The following CDH4 variants were observed in gnomAD, a reference collection of about 807,000 sequenced individuals.
CDH4 encodes the protein cadherin 4.
In CDH4, 33 loss-of-function variants were observed where a neutral mutation model predicts 86.0. That is an observed-to-expected ratio of 0.38 (90% confidence interval 0.29 to 0.51). CDH4 has a LOEUF of 0.51. CDH4 is among the 20% of genes least tolerant of loss of function. The probability of loss-of-function intolerance (pLI) is 0.86; values close to 1 mark genes in which losing one functional copy is unlikely to be tolerated. For missense variants in CDH4, 1,114 were observed against 1,307.4 expected, an observed-to-expected ratio of 0.85 and a Z score of 2.28; for synonymous variants, 555 against 549.4, an observed-to-expected ratio of 1.01 and a Z score of -0.14.
chr20:61,259,374 A>G (rs1223942700), intron 2 of CDH4, among the ~76,000 whole-genome samples: 1 of 151,988 alleles, frequency 6.6e-6, no homozygotes, highest in African/African-American at 2.4e-5. Flanking sequence ...TAGATAGGCA[A>G]CTCTTCCAGG....
In CDH4 at chr20:61,624,526, G is replaced by A. The variant is rs141024666; in HGVS notation, c.170-119037G>A. On this transcript the variant is annotated intron_variant, in intron 2 of 15. Transcript: ENST00000614565. ...CAGACAGGAGTGAGGATGTCTGAAGGGTTGTGTCCACCAAATGGCCTCCAA... is the reference window on the plus strand; with the variant it reads ...CAGACAGGAGTGAGGATGTCTGAAGAGTTGTGTCCACCAAATGGCCTCCAA... 9.3e-3 allele frequency among the ~76,000 whole-genome samples: 1,415 copies of A among 152,296 alleles called. 21 individuals carry two copies. Among genetic ancestry groups the A allele is most frequent in the African/African-American group, 0.033 (1,369 of 41,556 alleles).
Position 61,684,309 on chromosome 20 carries a change from G to A in CDH4, c.170-59254G>A, listed in dbSNP as rs1294235580. Among the ~76,000 whole-genome samples, 1 of 152,198 alleles carries A rather than the reference G, an allele frequency of 6.6e-6. No homozygotes were observed. Among genetic ancestry groups the A allele is most frequent in the Non-Finnish European group, 1.5e-5 (1 of 68,028 alleles). The stretch of plus-strand genomic sequence containing the variant: ...GGCAAAGGGGCGACCATGCGACTGA[G>A]CCCTGTGGGAAGAGCAGGGGGGCCG... On this transcript the variant is annotated intron_variant, in intron 2 of 15. Transcript: ENST00000614565. This position sits in a 1 kb window ranked among gnomAD's most constrained non-coding sequence, Gnocchi z 4.5.
At chr20:61,932,957 C>T in intron 13 of CDH4, 28 bp from the exon 14 acceptor site, 2 of 1,605,890 alleles carry the variant, frequency 1.2e-6, no homozygotes, top group Non-Finnish European at 1.7e-6. Context: ...CGCAGCACAC[C>T]CTGCTCACGG....
At position 61,792,957 on chromosome 20, in the gene CDH4, T is replaced by TTTTTG. The variant is rs1568818706; in HGVS notation, c.576+19779_576+19780insGTTTT. ...AGCCACCGTGCCTGGCCTATGTGTTTTTTTTGTTTTTGTTTTTGTTTTTGA... is the reference window on the plus strand; with the variant it reads ...AGCCACCGTGCCTGGCCTATGTGTTTTTTTGTTTTTGTTTTTGTTTTTGTTTTTGA... On this transcript the variant is annotated intron_variant, in intron 4 of 15. Coordinates refer to ENST00000614565, the MANE Select transcript of CDH4 (RefSeq NM_001794.5). 1.8e-3 allele frequency among the ~76,000 whole-genome samples: 269 copies of TTTTTG among 146,978 alleles called. 1 individual carries two copies. The highest frequency in any genetic ancestry group is 6.2e-3 in the African/African-American group (244 of 39,602).
At position 61,710,515 on chromosome 20, in the gene CDH4, G is replaced by A. The variant is rs149529478; in HGVS notation, c.170-33048G>A. On this transcript the variant is annotated intron_variant, in intron 2 of 15. Transcript: ENST00000614565. The stretch of plus-strand genomic sequence containing the variant: ...ACGTTCCCACTTCAGTCCACCAGCT[G>A]CATCACCATTGATAATTAAAGCAAT... Among the ~76,000 whole-genome samples, 200 of 152,318 alleles carry A rather than the reference G, an allele frequency of 1.3e-3. 1 individual carries two copies. The highest frequency in any genetic ancestry group is 2.7e-3 in the Admixed American group (41 of 15,304).
At chr20:61,862,491 T>A (rs1463493019) in intron 6 of CDH4, among the ~76,000 whole-genome samples, 1 of 152,188 alleles carries the variant, frequency 6.6e-6, no homozygotes, top group Non-Finnish European at 1.5e-5. Context: ...GGGAGGCAGA[T>A]GTCTGCCAGG....
At chr20:61,670,278 C>T (rs557920552) in intron 2 of CDH4, among the ~76,000 whole-genome samples, 2 of 152,316 alleles carry the variant, frequency 1.3e-5, no homozygotes, top group Admixed American at 1.3e-4. Flanking sequence ...ATGCTGGTCC[C>T]CAACAGCTTC....
At chr20:61,705,526 G>A (rs112117838) in intron 2 of CDH4, among the ~76,000 whole-genome samples, 4 of 152,314 alleles carry the variant, frequency 2.6e-5, no homozygotes, top group African/African-American at 9.6e-5. Context: ...CAGAGTCCTC[G>A]GCCCATGGCC....
At chr20:61,528,326 G>A (rs1269394629) in intron 2 of CDH4, among the ~76,000 whole-genome samples, 2 of 146,984 alleles carry the variant, frequency 1.4e-5, no homozygotes, top group Admixed American at 1.3e-4. Flanking sequence ...GCAGTGAGCC[G>A]AGATCATGCC....
chr20:61,291,833 T>G (rs1747441302), intron 2 of CDH4, among the ~76,000 whole-genome samples: 1 of 152,182 alleles, frequency 6.6e-6, no homozygotes. Flanking sequence ...ATACATATCA[T>G]TTCATCTCCC....
intron 2 of CDH4, among the ~76,000 whole-genome samples, chr20:61,631,442 C>A (rs1344934094): frequency 1.3e-5 from 2 of 152,166 alleles, no homozygotes; most frequent in African/African-American, 4.8e-5. Context: ...GGATTCGAAA[C>A]CAGCCTGGCC....
At chr20:61,421,791 G>A (rs1287509475) in intron 2 of CDH4, among the ~76,000 whole-genome samples, 2 of 152,222 alleles carry the variant, frequency 1.3e-5, no homozygotes, top group Non-Finnish European at 2.9e-5. Context: ...TTTGTCCAGC[G>A]CTGGCTGATG....
chr20:61,666,261 C>T (rs2087322960), intron 2 of CDH4, among the ~76,000 whole-genome samples: 1 of 152,228 alleles, frequency 6.6e-6, no homozygotes, highest in African/African-American at 2.4e-5. Flanking sequence ...GAGATGGCTG[C>T]ACAGATGAGA....
At chr20:61,866,982 G>T (rs1395715553) in intron 6 of CDH4, among the ~76,000 whole-genome samples, 2 of 152,238 alleles carry the variant, frequency 1.3e-5, no homozygotes, top group African/African-American at 4.8e-5. Flanking sequence ...CCCTTTCCCG[G>T]GAAGGAGATG....
intron 4 of CDH4, among the ~76,000 whole-genome samples, chr20:61,834,684 G>A (rs1271193931): frequency 6.6e-6 from 1 of 152,168 alleles, no homozygotes; most frequent in Non-Finnish European, 1.5e-5. Flanking sequence ...GGGCGAACAC[G>A]CTGCGCTACA....
intron 2 of CDH4, among the ~76,000 whole-genome samples, chr20:61,394,142 A>G (rs73134372): frequency 0.03 from 4,559 of 152,244 alleles, 107 homozygotes; most frequent in Non-Finnish European, 0.048. Flanking sequence ...TTCGTGTCTC[A>G]GGTTCAGCCA....
chr20:61,321,552 G>A (rs956970693), intron 2 of CDH4, among the ~76,000 whole-genome samples: 1 of 152,162 alleles, frequency 6.6e-6, no homozygotes, highest in Non-Finnish European at 1.5e-5. Flanking sequence ...ACACCACGTG[G>A]CCTCATCTCC....
rs1270186546 is a variant in CDH4 at position 61,516,777 on chromosome 20, G to A, written c.170-226786G>A. Among the ~76,000 whole-genome samples the A allele has an allele frequency of 1.3e-5, 2 of 152,202 alleles. No homozygotes were observed. On this transcript the variant is annotated intron_variant, in intron 2 of 15. Coordinates refer to ENST00000614565, the MANE Select transcript of CDH4 (RefSeq NM_001794.5). The surrounding 1 kb of genome is among the most constrained non-coding windows in gnomAD (Gnocchi z 4.0). ...CCAGGCTCCGTTCCCAGGTCAGTGA[G>A]TGTCGGTTTGGCGATCACACTTGCT...
rs536394791 is a variant in CDH4, at chr20:61,844,933, A to G, written c.732+110A>G. On this transcript the variant is annotated intron_variant, in intron 5 of 15. Coordinates refer to ENST00000614565, the MANE Select transcript of CDH4 (RefSeq NM_001794.5). ...CCATGCCTGCCCTAACTCTACAGGC[A>G]GCACTCCAACTTTGGCCTGGAGCAG... 169 of 1,143,754 alleles carry G rather than the reference A, an allele frequency of 1.5e-4. 1 individual carries two copies. In the African/African-American group the frequency reaches 1.6e-3, roughly 11 times the overall value. The allele number at this position is 1,143,754 out of a possible 1,614,324, so 70.9% of individuals were successfully genotyped here.
Sources: allele counts gnomAD v4.1 joint callset (sites outside exome capture counted in the v4.1 genomes callset), GRCh38; gene constraint gnomAD v4.1.1; non-coding constraint Gnocchi (gnomAD v3.1); transcripts MANE v1.5; gene names NCBI Gene and HGNC (gene_info 2026-07-23, HGNC 2026-07-21).